The following TBC1D14 variants were observed in gnomAD, a reference collection of about 807,000 sequenced individuals.
The protein encoded by TBC1D14 is TBC1 domain family member 14.
Under a neutral mutation model 79.0 loss-of-function variants are expected in TBC1D14, and 26 were observed. That is an observed-to-expected ratio of 0.33 (90% CI 0.24 to 0.46). The LOEUF (loss-of-function observed/expected upper bound fraction) is 0.46. Among genes scored for constraint, TBC1D14 ranks in the 20% least tolerant of loss-of-function variants. TBC1D14 has a pLI of 1.00. For synonymous variants in TBC1D14, 394 were observed against 349.9 expected (o/e 1.13, Z -1.40); for missense variants, 769 against 887.6 (o/e 0.87, Z 1.70).
chr4:6,994,596 C>A (rs190076811), intron 4 of TBC1D14, among the ~76,000 whole-genome samples: 68 of 152,270 alleles, frequency 4.5e-4, no homozygotes, highest in African/African-American at 1.5e-3. Context: ...CGCCTGTAAT[C>A]CCTGCACTTT....
intron 3 of TBC1D14, among the ~76,000 whole-genome samples, chr4:6,988,481 GCTTCCCTGGGTCCT>G (rs1718115056): frequency 5.3e-5 from 8 of 152,222 alleles, no homozygotes; most frequent in Non-Finnish European, 1.0e-4. Flanking sequence ...GTCCCCCAGC[GCTTCCCTGGGTCCT>G]CAGCCTGTGC....
chr4:6,953,838 A>T (rs1396487828), intron 2 of TBC1D14, among the ~76,000 whole-genome samples: 1 of 151,888 alleles, frequency 6.6e-6, no homozygotes, highest in East Asian at 1.9e-4. Context: ...CACAAGGCAC[A>T]GTGCCTGGCA....
intron 5 of TBC1D14, among the ~76,000 whole-genome samples, chr4:6,997,745 C>T (rs2109178548): frequency 6.6e-6 from 1 of 152,192 alleles, no homozygotes; most frequent in African/African-American, 2.4e-5. Context: ...TTGAAGATAC[C>T]CTAAGTGAAA....
intron 1 of TBC1D14, 47 bp from the exon 2 acceptor site, chr4:6,923,326 T>C (rs1724013358): frequency 6.5e-7 from 1 of 1,539,874 alleles, no homozygotes; most frequent in Non-Finnish European, 8.7e-7. Context: ...GTGTGGCATC[T>C]TTGAATTTTA....
chr4:6,964,835 C>A (rs1480143403), intron 2 of TBC1D14, among the ~76,000 whole-genome samples: 3 of 152,076 alleles, frequency 2.0e-5, no homozygotes, highest in Non-Finnish European at 4.4e-5. Flanking sequence ...GATAAAATTT[C>A]AAATTTACTA....
chr4:6,949,598 G>A (rs936104514), intron 2 of TBC1D14, among the ~76,000 whole-genome samples: 6 of 149,970 alleles, frequency 4.0e-5, no homozygotes, highest in South Asian at 2.1e-4. Context: ...GAGGAGAATC[G>A]CTTGAACCCG....
At chr4:6,959,530 C>T (rs944095575) in intron 2 of TBC1D14, among the ~76,000 whole-genome samples, 7 of 152,114 alleles carry the variant, frequency 4.6e-5, no homozygotes, top group African/African-American at 7.2e-5. Flanking sequence ...GCAGGGCCCC[C>T]GCCTCTGGGA....
At chr4:6,982,907 T>A (rs765429269) in intron 3 of TBC1D14, among the ~76,000 whole-genome samples, 33 of 152,326 alleles carry the variant, frequency 2.2e-4, no homozygotes, top group Non-Finnish European at 3.8e-4. Flanking sequence ...TAGCTATTAG[T>A]GGAATTTCTT....
chr4:7,027,978 C>G (rs865976255), intron 13 of TBC1D14, among the ~76,000 whole-genome samples: 3 of 136,426 alleles, frequency 2.2e-5, no homozygotes, highest in Non-Finnish European at 4.8e-5. Context: ...GCCCACCCCC[C>G]CACACATAGA....
At chr4:6,950,645 G>A (rs1353946342) in intron 2 of TBC1D14, among the ~76,000 whole-genome samples, 3 of 152,052 alleles carry the variant, frequency 2.0e-5, no homozygotes, top group Non-Finnish European at 1.5e-5. Flanking sequence ...TATGACTGTT[G>A]TATTTTATTA....
In TBC1D14 at chr4:7,004,542, C is replaced by T. The variant is rs138926802; in HGVS notation, c.1271-302C>T. ...TCACCGTCTTGCCCCAGGGATCTTG[C>T]GGTCTGGGAGAGGCAGTAGACAAGT... On this transcript the variant is annotated intron_variant, in intron 7 of 13. Transcript: ENST00000409757. 1.5e-4 allele frequency among the ~76,000 whole-genome samples: 23 copies of T among 152,262 alleles called. No individual in the cohort carries two copies. In the East Asian group the frequency reaches 3.5e-3, roughly 23 times the overall value.
chr4:6,931,324 A>G (rs1453979973), intron 2 of TBC1D14, among the ~76,000 whole-genome samples: 1 of 152,190 alleles, frequency 6.6e-6, no homozygotes, highest in African/African-American at 2.4e-5. Flanking sequence ...GAATGTCTGC[A>G]CTTCTTTTCC....
At chr4:6,988,500 C>T (rs1015341088) in intron 3 of TBC1D14, among the ~76,000 whole-genome samples, 3 of 152,204 alleles carry the variant, frequency 2.0e-5, no homozygotes, top group Non-Finnish European at 2.9e-5. Flanking sequence ...GGTCCTCAGC[C>T]TGTGCAGATG....
intron 2 of TBC1D14, among the ~76,000 whole-genome samples, chr4:6,933,798 C>A (rs530438404): frequency 2.4e-4 from 37 of 152,274 alleles, no homozygotes; most frequent in Admixed American, 5.9e-4. Flanking sequence ...CCCTGAGGTG[C>A]TGTACTGAGA....
At chr4:6,993,647 G>A (rs980179947) in intron 3 of TBC1D14, among the ~76,000 whole-genome samples, 14 of 152,194 alleles carry the variant, frequency 9.2e-5, no homozygotes, top group African/African-American at 3.4e-4. Context: ...GAGATCCTTT[G>A]TTATTTCCCC....
chr4:7,015,992 T>C (rs1300397833), intron 12 of TBC1D14, among the ~76,000 whole-genome samples: 2 of 152,254 alleles, frequency 1.3e-5, no homozygotes, highest in Admixed American at 6.5e-5. Context: ...TTTGTTGTTG[T>C]TGCCCACTTT....
chr4:6,975,236 G>A (rs150989073), intron 3 of TBC1D14, among the ~76,000 whole-genome samples: 1 of 151,972 alleles, frequency 6.6e-6, no homozygotes, highest in South Asian at 2.1e-4. Context: ...TTGAGATAGG[G>A]TCTTGCTCTG....
chr4:6,941,991 T>A (rs1038840572), intron 2 of TBC1D14, among the ~76,000 whole-genome samples: 1 of 152,210 alleles, frequency 6.6e-6, no homozygotes, highest in African/African-American at 2.4e-5. Context: ...ACACGGGCTT[T>A]GAGAAACCCA....
chr4:6,996,296 T>C, intron 4 of TBC1D14, 29 bp from the exon 5 acceptor site: 1 of 1,583,520 alleles, frequency 6.3e-7, no homozygotes, highest in Non-Finnish European at 8.7e-7. Context: ...GTATTTATAA[T>C]GGTGAAAACT....
Sources: gnomAD v4.1 joint callset for allele counts (sites outside exome capture counted in the v4.1 genomes callset) on GRCh38, gnomAD v4.1.1 for gene constraint, MANE v1.5 for transcripts, NCBI Gene and HGNC (gene_info 2026-07-23, HGNC 2026-07-21) for gene names.